DIP2A: variants seen among roughly 807,000 people sequenced by gnomAD.
DIP2A encodes the protein DIP2 acetate--CoA ligase A.
A neutral mutation model predicts 177.4 loss-of-function variants in DIP2A; 85 were observed. That is an observed-to-expected ratio of 0.48 (90% CI 0.40 to 0.57). The LOEUF is 0.57. Among genes scored for constraint, DIP2A ranks in the 20% least tolerant of loss-of-function variants. The pLI, the probability that DIP2A is intolerant of heterozygous loss-of-function variation, is 0.00. For synonymous variants in DIP2A, 886 were observed against 881.8 expected (o/e 1.00, Z -0.08); for missense variants, 1,791 against 2,100.2 (o/e 0.85, Z 2.88).
intron 2 of DIP2A, among the ~76,000 whole-genome samples, chr21:46,490,323 T>C (rs2056936520): frequency 6.6e-6 from 1 of 152,150 alleles, no homozygotes; most frequent in Non-Finnish European, 1.5e-5. Flanking sequence ...TGCCATGTAC[T>C]GTGCTGCCAA....
At chr21:46,497,130 G>A (rs2057401761) in intron 4 of DIP2A, 23 bp downstream of exon 4, 1 of 1,500,930 alleles carries the variant, frequency 6.7e-7, no homozygotes, top group Non-Finnish European at 8.8e-7. Flanking sequence ...AATGTCAAGT[G>A]TGGCTTTTTT....
At chr21:46,575,968 G>A in the DIP2A span, among the ~76,000 whole-genome samples, 1 of 152,248 alleles carries the variant, frequency 6.6e-6, no homozygotes, top group African/African-American at 2.4e-5. Context: ...AAAGCTGTAA[G>A]ACAGTTCTCC....
chr21:46,528,714 G>A (rs55799336), intron 8 of DIP2A, among the ~76,000 whole-genome samples: 1 of 151,702 alleles, frequency 6.6e-6, no homozygotes, highest in Admixed American at 6.6e-5. Context: ...TTTTAGCAGA[G>A]ATGGGGTTTT....
intron 3 of DIP2A, among the ~76,000 whole-genome samples, chr21:46,495,203 T>G (rs1254896597): frequency 1.0e-5 from 1 of 97,724 alleles, no homozygotes; most frequent in Non-Finnish European, 2.1e-5. Flanking sequence ...TCTTCTCTTC[T>G]CTTCTCTTCT....
At chr21:46,547,155 T>A in intron 21 of DIP2A, 113 bp downstream of exon 21, 1 of 1,474,534 alleles carries the variant, frequency 6.8e-7, no homozygotes, top group Admixed American at 2.4e-5. Flanking sequence ...AGCCTAAAAA[T>A]TGTTGTACAT....
downstream of DIP2A, among the ~76,000 whole-genome samples, chr21:46,571,629 G>A (rs977545351): frequency 6.6e-6 from 1 of 152,114 alleles, no homozygotes; most frequent in Non-Finnish European, 1.5e-5. Context: ...CTTGTAAGTT[G>A]TATTCCTAGG....
downstream of DIP2A, among the ~76,000 whole-genome samples, chr21:46,574,013 C>G (rs1350737360): frequency 6.6e-6 from 1 of 152,144 alleles, no homozygotes; most frequent in African/African-American, 2.4e-5. Context: ...ATCTAACAGA[C>G]ATATGCAGAA....
intron 4 of DIP2A, among the ~76,000 whole-genome samples, chr21:46,497,776 AAC>A (rs1484618832): frequency 6.6e-6 from 1 of 152,342 alleles, no homozygotes; most frequent in African/African-American, 2.4e-5. Flanking sequence ...AATAAAACCA[AAC>A]ACACCAGATT....
At chr21:46,528,515 T>A (rs1416166171) in intron 8 of DIP2A, among the ~76,000 whole-genome samples, 1 of 139,924 alleles carries the variant, frequency 7.1e-6, no homozygotes, top group East Asian at 2.2e-4. Flanking sequence ...AAATACTGAC[T>A]TTTTCTGCTT....
chr21:46,582,605 C>G, the DIP2A span, among the ~76,000 whole-genome samples: 1 of 152,184 alleles, frequency 6.6e-6, no homozygotes, highest in South Asian at 2.1e-4. Context: ...TCGCTCCACC[C>G]TGCTTTTCCC....
At chr21:46,582,289 C>T in the DIP2A span, among the ~76,000 whole-genome samples, 14 of 152,254 alleles carry the variant, frequency 9.2e-5, no homozygotes, top group Non-Finnish European at 1.5e-4. Context: ...CAGTCTTCCC[C>T]GCACCAGCAG....
At chr21:46,489,685 G>A (rs560338973) in intron 2 of DIP2A, among the ~76,000 whole-genome samples, 4 of 152,318 alleles carry the variant, frequency 2.6e-5, no homozygotes, top group East Asian at 3.9e-4. Flanking sequence ...AGGAGCCAGC[G>A]GGACTGCAAT....
chr21:46,497,858 A>G (rs752783917), intron 4 of DIP2A, among the ~76,000 whole-genome samples: 4 of 152,264 alleles, frequency 2.6e-5, no homozygotes, highest in Non-Finnish European at 5.9e-5. Flanking sequence ...AAAAAATCTT[A>G]GAAATGGCTG....
Position 46,569,887 on chromosome 21 carries a change from AT to A in DIP2A, c.*2267del, listed in dbSNP as rs2060932946. ...ATTCTACCTCTGAGTAAACAGCAGC[AT>A]TCGTATGTAACATAAACCCTCTCAG... is the stretch of plus-strand genomic sequence containing the variant. On this transcript the variant is annotated 3_prime_UTR_variant, in exon 38 of 38. Transcript: ENST00000417564. 6.6e-6 allele frequency: 1 copy of A among 152,172 alleles called. No homozygotes were observed. 9.4% of individuals were successfully genotyped at this position (152,172 alleles called of 1,614,324 possible). A position where few individuals can be genotyped will look rare whatever the true frequency, so the allele number is the denominator to read the frequency against.
chr21:46,537,127 A>C lies in DIP2A; in HGVS notation c.1643-97A>C, dbSNP rs538865324. The C allele has an allele frequency of 8.7e-7, 1 of 1,143,228 alleles. No homozygotes were observed. The highest frequency in any genetic ancestry group is 2.4e-5 in the East Asian group (1 of 42,530). The allele number at this position is 1,143,228 out of a possible 1,614,324, so 70.8% of individuals were successfully genotyped here. A position where few individuals can be genotyped will look rare whatever the true frequency, so the allele number is the denominator to read the frequency against. On this transcript the variant is annotated intron_variant, in intron 13 of 37. Transcript: ENST00000417564. This position sits in a 1 kb window ranked among gnomAD's most constrained non-coding sequence, Gnocchi z 4.1. Reference sequence around the variant, plus strand: ...TGCTGTATCTGTTCCTGAAACTTACATGTTGATGACGTACTCACCTCAGAA... The same window carrying C: ...TGCTGTATCTGTTCCTGAAACTTACCTGTTGATGACGTACTCACCTCAGAA...
chr21:46,555,868 ACT>A (rs766445262), intron 28 of DIP2A, 112 bp from the exon 29 acceptor site: 15 of 807,718 alleles, frequency 1.9e-5, no homozygotes, highest in East Asian at 4.9e-5. Context: ...GTCTGAGCTC[ACT>A]CTCTGCAGGA....
chr21:46,497,034 G>A lies in DIP2A; in HGVS notation c.330G>A (p.Glu110=). Residue 110 remains glutamate, a synonymous_variant, in exon 4 of 38, where the codon GAG becomes GAA. Transcript: ENST00000417564. ...AAGCAGCTTTGGCCAAATACAAAGA[G>A]AGGAAGATGCCTATGCCTTCGAAGA... ...AVQAALAKYK[E]RKMPMPSKRR... 6.2e-7 allele frequency: 1 copy of A among 1,613,934 alleles called. No homozygotes were observed. The highest frequency in any genetic ancestry group is 8.5e-7 in the Non-Finnish European group (1 of 1,179,860).
chr21:46,546,464 T>C (rs761417695), intron 20 of DIP2A, among the ~76,000 whole-genome samples: 4 of 152,146 alleles, frequency 2.6e-5, no homozygotes, highest in Admixed American at 6.5e-5. Flanking sequence ...TGCTGCTCAG[T>C]GTCCAACCTA....
At position 46,465,333 on chromosome 21, in the gene DIP2A, C is replaced by T. The variant is rs147501989; in HGVS notation, c.91+6111C>T. Among the ~76,000 whole-genome samples, 1,054 of 152,010 alleles carry T rather than the reference C, an allele frequency of 6.9e-3. 30 individuals are homozygous for T. Among genetic ancestry groups the T allele is most frequent in the Admixed American group, 0.052 (796 of 15,262 alleles). ...CTGTAATCCCAACACTTTGGGAGGCCGAGGTGGTTGGATCACCTGAGGTCT... is the reference window on the plus strand; with the variant it reads ...CTGTAATCCCAACACTTTGGGAGGCTGAGGTGGTTGGATCACCTGAGGTCT... On this transcript the variant is annotated intron_variant, in intron 1 of 37. Transcript: ENST00000417564.
Sources: gnomAD v4.1 joint callset for allele counts (sites outside exome capture counted in the v4.1 genomes callset) on GRCh38, gnomAD v4.1.1 for gene constraint, Gnocchi (gnomAD v3.1) non-coding constraint, MANE v1.5 for transcripts, NCBI Gene and HGNC (gene_info 2026-07-23, HGNC 2026-07-21) for gene names.